Variants in PXDNL observed in about 807,000 individuals in gnomAD.
The protein encoded by PXDNL is peroxidasin like, also known as probable oxidoreductase PXDNL.
PXDNL carries 145 observed loss-of-function variants against 150.8 expected under a neutral mutation model. That is an observed-to-expected ratio of 0.96 (90% CI 0.84 to 1.10). The LOEUF is 1.10. Ranked by LOEUF, PXDNL falls within the 50% of genes least tolerant of loss-of-function variation. PXDNL has a pLI of 0.00. For synonymous variants in PXDNL, 757 were observed against 725.7 expected, an observed-to-expected ratio of 1.04 and a Z score of -0.69; for missense variants, 2,087 against 1,873.9, an observed-to-expected ratio of 1.11 and a Z score of -2.10.
intron 17 of PXDNL, among the ~76,000 whole-genome samples, chr8:51,392,824 T>C (rs965635727): frequency 9.9e-5 from 15 of 152,178 alleles, no homozygotes; most frequent in Non-Finnish European, 1.5e-4. Context: ...AAAGCACAGA[T>C]TTTCAACAGC....
At chr8:51,688,333 T>TA (rs1563507222) in intron 1 of PXDNL, among the ~76,000 whole-genome samples, 2 of 151,930 alleles carry the variant, frequency 1.3e-5, no homozygotes, top group Admixed American at 6.6e-5. Flanking sequence ...TAAGAATTTT[T>TA]AAAAAAAGAA....
At chr8:51,641,961 G>A (rs894887831) in intron 2 of PXDNL, among the ~76,000 whole-genome samples, 6 of 152,050 alleles carry the variant, frequency 3.9e-5, no homozygotes, top group Non-Finnish European at 7.3e-5. Flanking sequence ...CAACCCAAAT[G>A]TCCAACAATG....
At chr8:51,656,923 A>G (rs1815161390) in intron 1 of PXDNL, among the ~76,000 whole-genome samples, 1 of 152,220 alleles carries the variant, frequency 6.6e-6, no homozygotes, top group Non-Finnish European at 1.5e-5. Flanking sequence ...TTCAGACATA[A>G]CATTTCTATA....
chr8:51,404,314 T>A (rs1188193294), intron 17 of PXDNL, among the ~76,000 whole-genome samples: 3 of 152,244 alleles, frequency 2.0e-5, no homozygotes, highest in Non-Finnish European at 4.4e-5. Context: ...TCCTGCTGAT[T>A]GGTCCATTTT....
intron 2 of PXDNL, among the ~76,000 whole-genome samples, chr8:51,610,977 A>G (rs1299717834): frequency 3.3e-5 from 5 of 152,200 alleles, no homozygotes; most frequent in African/African-American, 9.7e-5. Flanking sequence ...AGTGTAAGTA[A>G]TCACAAACAC....
At chr8:51,410,540 C>G (rs905049093) in intron 16 of PXDNL, among the ~76,000 whole-genome samples, 1 of 152,098 alleles carries the variant, frequency 6.6e-6, no homozygotes, top group Non-Finnish European at 1.5e-5. Context: ...CTGAGGCAAG[C>G]TCACAGATAG....
intron 12 of PXDNL, among the ~76,000 whole-genome samples, chr8:51,444,949 C>T (rs560800101): frequency 1.3e-5 from 2 of 151,892 alleles, no homozygotes; most frequent in African/African-American, 4.8e-5. Context: ...CTTTGTTGCC[C>T]AGGCTGGAGT....
Position 51,472,208 on chromosome 8 carries a change from T to A in PXDNL, c.791A>T (p.Glu264Val). 1 of 1,612,242 alleles carries A rather than the reference T, an allele frequency of 6.2e-7. No individual in the cohort carries two copies. Among genetic ancestry groups the A allele is most frequent in the Non-Finnish European group, 8.5e-7 (1 of 1,178,472 alleles). Reference protein sequence around the residue: ...TCRAEGNPKPEIIWIHNNHSL... With the variant: ...TCRAEGNPKPVIIWIHNNHSL... ...TTACTTGTTGTGTATCCAAATAATC[T>A]CAGGTTTGGGGTTTCCTTCCGCCCG... The change falls in exon 8 of 23, where the codon GAG (glutamate) becomes GTG (valine). Residue 264 changes from glutamate to valine, a missense_variant. Transcript: ENST00000356297.
chr8:51,788,080 C>T (rs1338879948), intron 1 of PXDNL, among the ~76,000 whole-genome samples: 1 of 152,214 alleles, frequency 6.6e-6, no homozygotes, highest in Admixed American at 6.5e-5. Context: ...AATGCTATTG[C>T]ACATTTAATA....
chr8:51,682,804 G>A (rs1164613589), intron 1 of PXDNL, among the ~76,000 whole-genome samples: 5 of 152,022 alleles, frequency 3.3e-5, no homozygotes, highest in Non-Finnish European at 7.4e-5. Flanking sequence ...CAATCCAGAG[G>A]TTATCAGCAT....
At chr8:51,515,078 C>T (rs1463163818) in intron 4 of PXDNL, among the ~76,000 whole-genome samples, 1 of 152,188 alleles carries the variant, frequency 6.6e-6, no homozygotes, top group Non-Finnish European at 1.5e-5. Context: ...GCTGCGTCCT[C>T]GCCAGAGCTT....
rs557141890 is a variant in PXDNL, at chr8:51,692,849, C to T, written c.165-38089G>A. 4.2e-4 allele frequency among the ~76,000 whole-genome samples: 64 copies of T among 152,332 alleles called. No individual in the cohort carries two copies. In the Middle Eastern group the frequency reaches 0.01, roughly 24 times the overall value. On this transcript the variant is annotated intron_variant, in intron 1 of 22. Coordinates refer to ENST00000356297, the MANE Select transcript of PXDNL (RefSeq NM_144651.5). ...TCTCATCTTCCCCATGGAAAACATG[C>T]CCTAGCAGAGTTACGTAAGTTCCTG...
At chr8:51,638,362 A>G (rs571499576) in intron 2 of PXDNL, among the ~76,000 whole-genome samples, 1 of 152,258 alleles carries the variant, frequency 6.6e-6, no homozygotes, top group African/African-American at 2.4e-5. Flanking sequence ...ATTAACCTTC[A>G]ATGTAAATGG....
chr8:51,580,641 CAT>C (rs1189491863), intron 3 of PXDNL, among the ~76,000 whole-genome samples: 2 of 152,092 alleles, frequency 1.3e-5, no homozygotes, highest in Non-Finnish European at 2.9e-5. Context: ...ATTTATTTAA[CAT>C]GTGTAAGTAC....
chr8:51,480,521 T>A (rs1810577514), intron 6 of PXDNL, among the ~76,000 whole-genome samples: 1 of 152,144 alleles, frequency 6.6e-6, no homozygotes, highest in South Asian at 2.1e-4. Context: ...GAACCTCCCA[T>A]CACGCCCCAC....
At chr8:51,540,444 T>C (rs1263294282) in intron 4 of PXDNL, among the ~76,000 whole-genome samples, 1 of 152,198 alleles carries the variant, frequency 6.6e-6, no homozygotes, top group Non-Finnish European at 1.5e-5. Flanking sequence ...GTTCTTATTC[T>C]GTTTGAGATA....
At position 51,678,973 on chromosome 8, in the gene PXDNL, A is replaced by G. The variant is rs1053615763; in HGVS notation, c.165-24213T>C. Among the ~76,000 whole-genome samples the G allele has an allele frequency of 2.0e-5, 3 of 152,332 alleles. No homozygotes were observed. The East Asian group carries it at 5.8e-4, about 29-fold the overall frequency. ...CCTACCACATGCCTGACGTTGTTCT[A>G]AGTTCTGGAGAAATGATGAGTGAGA... On this transcript the variant is annotated intron_variant, in intron 1 of 22. Transcript: ENST00000356297.
chr8:51,681,666 T>C (rs111786495), intron 1 of PXDNL, among the ~76,000 whole-genome samples: 1 of 152,390 alleles, frequency 6.6e-6, no homozygotes, highest in East Asian at 1.9e-4. Flanking sequence ...AATATTGTTA[T>C]GAGGTTGTGA....
chr8:51,693,962 T>C (rs898307726), intron 1 of PXDNL, among the ~76,000 whole-genome samples: 1 of 152,230 alleles, frequency 6.6e-6, no homozygotes, highest in African/African-American at 2.4e-5. Context: ...TGATAATATA[T>C]TCAAAGTCAC....
Sources: allele counts gnomAD v4.1 joint callset (sites outside exome capture counted in the v4.1 genomes callset), GRCh38; gene constraint gnomAD v4.1.1; transcripts MANE v1.5; gene names NCBI Gene and HGNC (gene_info 2026-07-23, HGNC 2026-07-21).